The following PTPN1 variants were observed in gnomAD, a reference collection of about 807,000 sequenced individuals.
The protein encoded by PTPN1 is protein tyrosine phosphatase non-receptor type 1, also known as tyrosine-protein phosphatase non-receptor type 1.
PTPN1 carries 12 observed loss-of-function variants against 59.9 expected under a neutral mutation model. The observed-to-expected ratio is 0.20, with a 90% CI of 0.13 to 0.32. PTPN1 has a LOEUF of 0.32. Among genes scored for constraint, PTPN1 ranks in the 10% least tolerant of loss-of-function variants. The pLI is 1.00. For synonymous variants in PTPN1, 178 were observed against 203.6 expected, an observed-to-expected ratio of 0.87 and a Z score of 1.07; for missense variants, 356 against 549.2, an observed-to-expected ratio of 0.65 and a Z score of 3.52.
intron 1 of PTPN1, among the ~76,000 whole-genome samples, chr20:50,517,494 A>G (rs2082533914): frequency 6.6e-6 from 1 of 152,186 alleles, no homozygotes. Flanking sequence ...CCTGGGCTTA[A>G]GCCATCTGTC....
Position 50,581,267 on chromosome 20 carries a change from T to C in PTPN1, c.1091T>C (p.Met364Thr). The change falls in exon 9 of 10, where the codon ATG (methionine) becomes ACG (threonine). Residue 364 changes from methionine to threonine, a missense_variant and splice_region_variant. Physicochemically the swap from Met to Thr is moderately conservative, Grantham distance 81 (BLOSUM62 -1). Transcript: ENST00000371621. ...LNAAPYGIES[M>T]SQDTEVRSRV... is the part of the protein sequence containing the mutation. ...ATCTCTGCCCTCTGATTCCTCAGCA[T>C]GAGTCAAGACACTGAAGTTAGAAGT... The C allele has an allele frequency of 6.3e-7, 1 of 1,594,134 alleles. No homozygotes were observed. The highest frequency in any genetic ancestry group is 8.6e-7 in the Non-Finnish European group (1 of 1,164,086).
intron 1 of PTPN1, among the ~76,000 whole-genome samples, chr20:50,520,320 G>C (rs1008571689): frequency 6.7e-6 from 1 of 149,710 alleles, no homozygotes; most frequent in Non-Finnish European, 1.5e-5. Flanking sequence ...GCATTGAGCC[G>C]AGATCATACC....
chr20:50,556,689 T>G (rs2122771064), intron 1 of PTPN1, among the ~76,000 whole-genome samples: 1 of 152,340 alleles, frequency 6.6e-6, no homozygotes, highest in African/African-American at 2.4e-5. Flanking sequence ...GTGTCGTGGC[T>G]CACACTTGTA....
In PTPN1 at chr20:50,564,715, T is replaced by A. The variant is rs932698625; in HGVS notation, c.155-254T>A. On this transcript the variant is annotated intron_variant, in intron 2 of 9. Coordinates refer to ENST00000371621, the MANE Select transcript of PTPN1 (RefSeq NM_002827.4). The stretch of plus-strand genomic sequence containing the variant: ...ATGACCTGAGAACAGATTTCCCAGA[T>A]AGGACATGATCCATGTTTTAATATG... Among the ~76,000 whole-genome samples the A allele has an allele frequency of 3.9e-5, 6 of 152,312 alleles. No homozygotes were observed. In the South Asian group the frequency reaches 1.2e-3, roughly 32 times the overall value.
chr20:50,567,282 C>T (rs2122785455), intron 3 of PTPN1, among the ~76,000 whole-genome samples: 1 of 152,244 alleles, frequency 6.6e-6, no homozygotes, highest in East Asian at 1.9e-4. Flanking sequence ...CAGAAATTAG[C>T]TGGGTGTGGT....
At chr20:50,565,848 G>A (rs1317476343) in intron 3 of PTPN1, among the ~76,000 whole-genome samples, 1 of 152,136 alleles carries the variant, frequency 6.6e-6, no homozygotes. Context: ...TTGAACATTT[G>A]TAATTTTGCT....
intron 1 of PTPN1, among the ~76,000 whole-genome samples, chr20:50,525,303 C>T (rs60005232): frequency 0.023 from 3,463 of 152,324 alleles, 149 homozygotes; most frequent in African/African-American, 0.077. Context: ...TCTGGCGATC[C>T]GCCCGCCTCG....
intron 2 of PTPN1, 103 bp downstream of exon 2, chr20:50,561,556 T>C (rs1464811825): frequency 1.0e-5 from 7 of 681,886 alleles, no homozygotes; most frequent in African/African-American, 1.8e-5. Flanking sequence ...AATAAATCAA[T>C]GTAGCAGAGG....
At chr20:50,572,640 C>T (rs2122793699) in intron 4 of PTPN1, 1 of 152,318 alleles carries the variant, frequency 6.6e-6, no homozygotes, top group East Asian at 1.9e-4. Flanking sequence ...TCGCTTCCTT[C>T]TCTGTCTGCT....
intron 1 of PTPN1, among the ~76,000 whole-genome samples, chr20:50,513,419 A>G (rs1198171844): frequency 1.3e-5 from 2 of 152,214 alleles, no homozygotes; most frequent in Admixed American, 6.5e-5. Flanking sequence ...TGAGTGAATG[A>G]AAAGAATAGC....
intron 7 of PTPN1, 104 bp from the exon 8 acceptor site, chr20:50,579,599 C>T (rs945858069): frequency 1.9e-5 from 20 of 1,070,642 alleles, no homozygotes; most frequent in South Asian, 1.6e-4. Context: ...CCTGAGAGGC[C>T]GAGAGCCCCT....
At chr20:50,515,437 G>C (rs1217327386) in intron 1 of PTPN1, among the ~76,000 whole-genome samples, 19 of 152,180 alleles carry the variant, frequency 1.2e-4, no homozygotes, top group Admixed American at 1.2e-3. Context: ...TGTCATTGTA[G>C]CTGCGTCTTT....
intron 1 of PTPN1, among the ~76,000 whole-genome samples, chr20:50,553,740 A>G (rs993693664): frequency 1.3e-5 from 2 of 152,242 alleles, no homozygotes; most frequent in Admixed American, 1.3e-4. Flanking sequence ...TAAAACAGCT[A>G]TTATAAATAA....
chr20:50,521,034 T>A (rs919536015), intron 1 of PTPN1, among the ~76,000 whole-genome samples: 1 of 152,246 alleles, frequency 6.6e-6, no homozygotes, highest in African/African-American at 2.4e-5. Flanking sequence ...TGGCTGTGCC[T>A]GATCCCCCTA....
intron 1 of PTPN1, among the ~76,000 whole-genome samples, chr20:50,531,644 T>C (rs886732181): frequency 5.9e-5 from 9 of 152,256 alleles, no homozygotes; most frequent in South Asian, 4.1e-4. Flanking sequence ...CCCAAAGTGC[T>C]GGGATTACAG....
At chr20:50,545,991 T>C (rs956544578) in intron 1 of PTPN1, among the ~76,000 whole-genome samples, 1 of 152,108 alleles carries the variant, frequency 6.6e-6, no homozygotes, top group African/African-American at 2.4e-5. Flanking sequence ...TGAGCCCTTA[T>C]TGTGCCACTG....
chr20:50,515,634 C>T (rs2082525850), intron 1 of PTPN1, among the ~76,000 whole-genome samples: 1 of 152,138 alleles, frequency 6.6e-6, no homozygotes, highest in Non-Finnish European at 1.5e-5. Flanking sequence ...CAATGGAGCC[C>T]AAGCTTCCTG....
intron 1 of PTPN1, among the ~76,000 whole-genome samples, chr20:50,520,531 C>T (rs6012956): frequency 0.018 from 2,710 of 152,272 alleles, 29 homozygotes; most frequent in East Asian, 0.051. Flanking sequence ...ATTATGACCA[C>T]GCCTGCAATG....
intron 1 of PTPN1, among the ~76,000 whole-genome samples, chr20:50,530,961 C>T (rs1013065902): frequency 6.6e-6 from 1 of 152,158 alleles, no homozygotes. Context: ...GCCTTGACCT[C>T]CCAAAATGTT....
Sources: gnomAD v4.1 joint callset for allele counts (sites outside exome capture counted in the v4.1 genomes callset) on GRCh38, gnomAD v4.1.1 for gene constraint, MANE v1.5 for transcripts, NCBI Gene and HGNC (gene_info 2026-07-23, HGNC 2026-07-21) for gene names.